NOMO3: variants seen among roughly 807,000 people sequenced by gnomAD.
NOMO3 encodes the protein NODAL modulator 3.
NOMO3 carries 15 observed loss-of-function variants against 69.9 expected under a neutral mutation model. The observed-to-expected ratio is 0.21, with a 90% CI of 0.14 to 0.33. The LOEUF is 0.33. Among genes scored for constraint, NOMO3 ranks in the 10% least tolerant of loss-of-function variants. The probability of loss-of-function intolerance (pLI) is 1.00; values close to 1 mark genes in which losing one functional copy is unlikely to be tolerated. For synonymous variants in NOMO3, 89 were observed against 301.9 expected (o/e 0.29, Z 7.31); for missense variants, 218 against 761.0 (o/e 0.29, Z 8.39).
chr16:16,255,934 AG>A, intron 10 of NOMO3, 73 bp from the exon 11 acceptor site: 1 of 1,540,640 alleles, frequency 6.5e-7, no homozygotes, highest in Non-Finnish European at 8.7e-7. Context: ...TTTTGGTCCA[AG>A]TATTCTGGTG....
intron 15 of NOMO3, 88 bp downstream of exon 15, chr16:16,265,267 C>T (rs750393972): frequency 8.2e-6 from 13 of 1,586,260 alleles, no homozygotes; most frequent in East Asian, 5.0e-5. Context: ...ATATTGTAAA[C>T]GTAGGCAAGT....
intron 15 of NOMO3, 31 bp downstream of exon 15, chr16:16,265,210 G>A: frequency 6.3e-7 from 1 of 1,588,568 alleles, no homozygotes. Flanking sequence ...CTCTTATTTG[G>A]AAAAGCGCTT....
chr16:16,244,525 T>C (rs1440938324), intron 4 of NOMO3, among the ~76,000 whole-genome samples: 1 of 101,602 alleles, frequency 9.8e-6, no homozygotes, highest in East Asian at 3.5e-4. Flanking sequence ...TTTTTTTTTT[T>C]TTTTTTTTTT....
intron 2 of NOMO3, among the ~76,000 whole-genome samples, chr16:16,237,640 C>G (rs982031022): frequency 7.0e-6 from 1 of 142,942 alleles, no homozygotes; most frequent in Non-Finnish European, 1.5e-5. Context: ...CCTCCACCCC[C>G]CAGGTTCAAG....
rs1294546937 is a variant in NOMO3, at chr16:16,261,145, C to T, written c.1221-357C>T. ...CTAGCCCACATTCTCAGTCCAAGGCCGCTCTGCTGTCAACGATCCAATTAC... is the reference window on the plus strand; with the variant it reads ...CTAGCCCACATTCTCAGTCCAAGGCTGCTCTGCTGTCAACGATCCAATTAC... On this transcript the variant is annotated intron_variant, in intron 11 of 30. Transcript: ENST00000399336. 38 of 311,880 alleles carry T rather than the reference C, an allele frequency of 1.2e-4. 3 individuals are homozygous for T. Among genetic ancestry groups the T allele is most frequent in the Non-Finnish European group, 1.8e-4 (32 of 174,602 alleles). The allele number at this position is 311,880 out of a possible 1,614,324, so 19.3% of individuals were successfully genotyped here.
chr16:16,240,831 A>T (rs1396993300), intron 3 of NOMO3, among the ~76,000 whole-genome samples: 1 of 142,924 alleles, frequency 7.0e-6, no homozygotes, highest in Non-Finnish European at 1.5e-5. Context: ...GGCAGCTGAC[A>T]GCTAATTTGG....
chr16:16,239,017 G>C (rs1387595746), intron 2 of NOMO3, among the ~76,000 whole-genome samples: 1 of 138,852 alleles, frequency 7.2e-6, no homozygotes, highest in East Asian at 2.4e-4. Flanking sequence ...GACGGAGGTT[G>C]CAGTGAGCCA....
At chr16:16,243,072 A>C (rs2049386476) in intron 3 of NOMO3, 89 bp from the exon 4 acceptor site, 3 of 782,504 alleles carry the variant, frequency 3.8e-6, no homozygotes, top group Middle Eastern at 3.9e-4. Flanking sequence ...GAATAATAAA[A>C]ATACGTTCTA....
intron 1 of NOMO3, 36 bp from the exon 2 acceptor site, chr16:16,236,865 A>AT: frequency 7.5e-7 from 1 of 1,337,558 alleles, no homozygotes; most frequent in South Asian, 1.3e-5. Context: ...CCCAAAGGCA[A>AT]TGTTATGATT....
chr16:16,235,871 C>G lies in NOMO3; in HGVS notation c.166-1030C>G, dbSNP rs1024999306. Reference sequence around the variant, plus strand: ...GTGCTTAATATGCATTGATGTGAATCTGTACAACCACATGAAAAGGAGTGG... The same window carrying G: ...GTGCTTAATATGCATTGATGTGAATGTGTACAACCACATGAAAAGGAGTGG... On this transcript the variant is annotated intron_variant, in intron 1 of 30. Coordinates refer to ENST00000399336, the MANE Select transcript of NOMO3 (RefSeq NM_001004067.4). 1.8e-5 allele frequency: 8 copies of G among 442,392 alleles called. 1 individual carries two copies. The highest frequency in any genetic ancestry group is 3.6e-5 in the Non-Finnish European group (8 of 224,458). The allele number at this position is 442,392 out of a possible 1,614,324, so 27.4% of individuals were successfully genotyped here. A position where few individuals can be genotyped will look rare whatever the true frequency, so the allele number is the denominator to read the frequency against.
chr16:16,266,531 C>A lies in NOMO3; in HGVS notation c.1807-513C>A. 6.2e-6 allele frequency: 2 copies of A among 320,100 alleles called. 1 individual carries two copies. The highest frequency in any genetic ancestry group is 1.1e-5 in the Non-Finnish European group (2 of 179,502). 19.8% of individuals were successfully genotyped at this position (320,100 alleles called of 1,614,324 possible). The stretch of plus-strand genomic sequence containing the variant: ...TCCTCGGGGCCTTTGCACATACTCT[C>A]CCCTCTGCCTGGAGTGCTGTGACTT... On this transcript the variant is annotated intron_variant, in intron 15 of 30. Coordinates refer to ENST00000399336, the MANE Select transcript of NOMO3 (RefSeq NM_001004067.4).
intron 15 of NOMO3, among the ~76,000 whole-genome samples, chr16:16,265,639 T>TAC (rs1567566203): frequency 3.6e-5 from 1 of 27,742 alleles, no homozygotes; most frequent in East Asian, 2.0e-3. Flanking sequence ...GTTTCTCTGA[T>TAC]ATATATATAT....
intron 4 of NOMO3, among the ~76,000 whole-genome samples, chr16:16,244,159 A>T (rs2049397455): frequency 7.1e-6 from 1 of 141,468 alleles, no homozygotes; most frequent in South Asian, 2.3e-4. Flanking sequence ...CCTTCTCTTC[A>T]TGATGGACTT....
At chr16:16,272,799 GT>G (rs2049667976) in intron 18 of NOMO3, among the ~76,000 whole-genome samples, 1 of 152,222 alleles carries the variant, frequency 6.6e-6, no homozygotes, top group South Asian at 2.1e-4. Flanking sequence ...TGGCCTTCCT[GT>G]TTCCGCCATT....
intron 1 of NOMO3, among the ~76,000 whole-genome samples, chr16:16,236,293 G>A (rs2049326519): frequency 7.0e-6 from 1 of 143,628 alleles, no homozygotes; most frequent in Non-Finnish European, 1.5e-5. Context: ...CTCCCAGGCT[G>A]GAGTGCTGTG....
chr16:16,255,156 G>C (rs538061896), intron 9 of NOMO3, among the ~76,000 whole-genome samples: 1 of 142,592 alleles, frequency 7.0e-6, no homozygotes, highest in South Asian at 2.2e-4. Flanking sequence ...CAAGTGATCT[G>C]CCTGCCTCGG....
intron 3 of NOMO3, among the ~76,000 whole-genome samples, chr16:16,240,601 T>G (rs1167590426): frequency 7.0e-6 from 1 of 143,122 alleles, no homozygotes; most frequent in Admixed American, 6.8e-5. Context: ...AGCTGGGGAG[T>G]TGGGGATGGG....
chr16:16,265,868 A>AT (rs1446350953), intron 15 of NOMO3, among the ~76,000 whole-genome samples: 4 of 131,728 alleles, frequency 3.0e-5, no homozygotes, highest in Non-Finnish European at 6.2e-5. Context: ...TTTTTTTTGT[A>AT]TTTTTGTTAG....
chr16:16,244,535 T>A (rs113948246), intron 4 of NOMO3, among the ~76,000 whole-genome samples: 2 of 78,830 alleles, frequency 2.5e-5, no homozygotes, highest in South Asian at 5.1e-4. Flanking sequence ...TTTTTTTTTT[T>A]AAGATGGAGT....
Sources: allele counts gnomAD v4.1 joint callset (sites outside exome capture counted in the v4.1 genomes callset), GRCh38; gene constraint gnomAD v4.1.1; transcripts MANE v1.5; gene names NCBI Gene and HGNC (gene_info 2026-07-23, HGNC 2026-07-21).